Variants in GALNT18 observed in about 807,000 individuals in gnomAD.
The protein encoded by GALNT18 is GalNAc-transferase 18.
A neutral mutation model predicts 69.5 loss-of-function variants in GALNT18; 44 were observed. The observed-to-expected ratio is 0.63, with a 90% CI of 0.50 to 0.81. GALNT18 has a LOEUF of 0.81. Among genes scored for constraint, GALNT18 ranks in the 40% least tolerant of loss-of-function variants. GALNT18 has a pLI of 0.00. For synonymous variants in GALNT18, 364 were observed against 318.2 expected (o/e 1.14, Z -1.53); for missense variants, 715 against 810.0 (o/e 0.88, Z 1.42).
At chr11:11,449,751 C>T (rs1037964118) in intron 1 of GALNT18, among the ~76,000 whole-genome samples, 3 of 152,240 alleles carry the variant, frequency 2.0e-5, no homozygotes, top group Non-Finnish European at 2.9e-5. Flanking sequence ...GCTACATGAC[C>T]ATAGCACAGT....
chr11:11,439,815 A>G lies in GALNT18; in HGVS notation c.429-7028T>C, dbSNP rs146430266. On this transcript the variant is annotated intron_variant, in intron 2 of 10. Transcript: ENST00000227756. The surrounding 1 kb of genome is among the most constrained non-coding windows in gnomAD (Gnocchi z 4.4). ...GATGGGAATGGAATCACTGAGTTGT[A>G]CATTTACTCCCTGCCTGACTGCAGC... Among the ~76,000 whole-genome samples the G allele has an allele frequency of 1.8e-3, 270 of 152,348 alleles. 1 individual carries two copies. The highest frequency in any genetic ancestry group is 6.3e-3 in the African/African-American group (262 of 41,582).
chr11:11,303,027 G>C (rs1349952957), intron 9 of GALNT18, among the ~76,000 whole-genome samples: 4 of 152,182 alleles, frequency 2.6e-5, no homozygotes, highest in Non-Finnish European at 4.4e-5. Context: ...GCATAACCTG[G>C]TGTCAGCCCT....
At chr11:11,482,859 T>C (rs1336598971) in intron 1 of GALNT18, among the ~76,000 whole-genome samples, 1 of 152,096 alleles carries the variant, frequency 6.6e-6, no homozygotes, top group Non-Finnish European at 1.5e-5. Flanking sequence ...TACAAAGCTA[T>C]CCCTTGCTCT....
chr11:11,440,689 C>G (rs1023430608), intron 2 of GALNT18, among the ~76,000 whole-genome samples: 3 of 152,226 alleles, frequency 2.0e-5, no homozygotes, highest in African/African-American at 7.2e-5. Flanking sequence ...CCCATGTGCT[C>G]CTTGTCCACA....
rs115315120 is a variant in GALNT18, at chr11:11,325,104, C to A, written c.1512+1982G>T. Among the ~76,000 whole-genome samples the A allele has an allele frequency of 6.2e-3, 940 of 152,296 alleles. 12 individuals are homozygous for A. Among genetic ancestry groups the A allele is most frequent in the African/African-American group, 0.021 (885 of 41,554 alleles). On this transcript the variant is annotated intron_variant, in intron 9 of 10. Transcript: ENST00000227756. Reference sequence around the variant, plus strand: ...ACAATTGTAAAAATAGGGAACCAACCTGAGTGCCCATCAGCCAACGAGTGG... The same window carrying A: ...ACAATTGTAAAAATAGGGAACCAACATGAGTGCCCATCAGCCAACGAGTGG...
chr11:11,429,883 T>C (rs1011360977), intron 3 of GALNT18, among the ~76,000 whole-genome samples: 7 of 152,194 alleles, frequency 4.6e-5, no homozygotes, highest in African/African-American at 1.7e-4. Context: ...CTCACACCTG[T>C]AATCCCAACA....
rs1016501755 is a variant in GALNT18 at position 11,541,844 on chromosome 11, G to T, written c.235+79515C>A. 1.3e-5 allele frequency among the ~76,000 whole-genome samples: 2 copies of T among 152,218 alleles called. No individual in the cohort carries two copies. The highest frequency in any genetic ancestry group is 1.3e-4 in the Admixed American group (2 of 15,284). ...CAAGCCCAGAAGCCTCTCCCGAAGA[G>T]TGAGCAGGTTGCTTTCCCTCAGCCT... On this transcript the variant is annotated intron_variant, in intron 1 of 10. Transcript: ENST00000227756. The surrounding 1 kb of genome is among the most constrained non-coding windows in gnomAD (Gnocchi z 4.8).
rs1457873266 is a variant in GALNT18 at position 11,461,147 on chromosome 11, A to T, written c.236-12211T>A. 6.6e-6 allele frequency among the ~76,000 whole-genome samples: 1 copy of T among 152,140 alleles called. No homozygotes were observed. Among genetic ancestry groups the T allele is most frequent in the Non-Finnish European group, 1.5e-5 (1 of 68,034 alleles). ...AGCTTAGTCCAGATACTACAGGATG[A>T]TCTCTCTCCGTCAGAAAAATCCCAC... On this transcript the variant is annotated intron_variant, in intron 1 of 10. Transcript: ENST00000227756. The surrounding 1 kb of genome is among the most constrained non-coding windows in gnomAD (Gnocchi z 4.1).
At chr11:11,287,069 A>G (rs1849208393) in intron 10 of GALNT18, among the ~76,000 whole-genome samples, 2 of 152,162 alleles carry the variant, frequency 1.3e-5, no homozygotes, top group Admixed American at 1.3e-4. Flanking sequence ...ATGAAGAAGC[A>G]GCTCAATAAA....
intron 4 of GALNT18, among the ~76,000 whole-genome samples, chr11:11,378,395 C>T (rs962214096): frequency 6.6e-6 from 1 of 152,218 alleles, no homozygotes; most frequent in Non-Finnish European, 1.5e-5. Context: ...CTCCCAGGCC[C>T]AGGCAAAGTT....
intron 6 of GALNT18, chr11:11,352,619 C>T (rs761867952): frequency 1.2e-6 from 2 of 1,614,060 alleles, no homozygotes; most frequent in African/African-American, 2.7e-5. Context: ...GCTTTCTGTG[C>T]TCATGATCAA....
rs1855285300 is a variant in GALNT18, at chr11:11,432,391, G to T, written c.595+230C>A. On this transcript the variant is annotated intron_variant, in intron 3 of 10. Transcript: ENST00000227756. This position sits in a 1 kb window ranked among gnomAD's most constrained non-coding sequence, Gnocchi z 5.8. ...TTGCACTGGAATATGGGAGGGGAGA[G>T]TAGCCAGCCAGGAGAAAAAGCCTAA... Among the ~76,000 whole-genome samples, 1 of 152,206 alleles carries T rather than the reference G, an allele frequency of 6.6e-6. No homozygotes were observed. Among genetic ancestry groups the T allele is most frequent in the African/African-American group, 2.4e-5 (1 of 41,444 alleles).
Position 11,465,283 on chromosome 11 carries a change from C to T in GALNT18, c.236-16347G>A, listed in dbSNP as rs7109690. On this transcript the variant is annotated intron_variant, in intron 1 of 10. Transcript: ENST00000227756. The surrounding 1 kb of genome is among the most constrained non-coding windows in gnomAD (Gnocchi z 5.7). ...CACAGTGGGAGGGTCTGTATTTAGA[C>T]TGATTTCCCCTGAGACTGGGGAGTT... Among the ~76,000 whole-genome samples the T allele has an allele frequency of 0.99, 151,247 of 152,218 alleles. 75,151 individuals are homozygous for T. Among genetic ancestry groups the T allele is most frequent in the Middle Eastern group, 1 (294 of 294 alleles).
At chr11:11,476,002 TGTAAG>T in intron 1 of GALNT18, 1 of 152,346 alleles carries the variant, frequency 6.6e-6, no homozygotes, top group Non-Finnish European at 1.5e-5. Context: ...CTTCCCTGCC[TGTAAG>T]GTGAGATGGC....
At chr11:11,615,650 T>C (rs1412005431) in intron 1 of GALNT18, among the ~76,000 whole-genome samples, 2 of 152,210 alleles carry the variant, frequency 1.3e-5, no homozygotes, top group Admixed American at 1.3e-4. Flanking sequence ...AACAGTTATT[T>C]TCAACTTTTT....
intron 1 of GALNT18, among the ~76,000 whole-genome samples, chr11:11,594,958 G>GTA (rs1859462590): frequency 6.9e-6 from 1 of 143,924 alleles, no homozygotes; most frequent in Admixed American, 7.1e-5. Flanking sequence ...ATGTATATGT[G>GTA]TATATATACA....
intron 6 of GALNT18, among the ~76,000 whole-genome samples, chr11:11,367,283 G>A (rs1034506633): frequency 6.6e-6 from 1 of 152,176 alleles, no homozygotes; most frequent in African/African-American, 2.4e-5. Flanking sequence ...CCTGGAGGAT[G>A]AGATATCTGT....
intron 9 of GALNT18, among the ~76,000 whole-genome samples, chr11:11,316,852 G>T (rs1425079387): frequency 1.3e-5 from 2 of 152,212 alleles, no homozygotes; most frequent in Non-Finnish European, 2.9e-5. Context: ...CTAAGTTCCT[G>T]CCTCCCTCTC....
chr11:11,343,170 C>T (rs777306932), intron 6 of GALNT18, among the ~76,000 whole-genome samples: 2 of 151,842 alleles, frequency 1.3e-5, no homozygotes, highest in Non-Finnish European at 2.9e-5. Context: ...ATGGTGAGAC[C>T]TCATCTCTGC....
Sources: allele counts gnomAD v4.1 joint callset (sites outside exome capture counted in the v4.1 genomes callset), GRCh38; gene constraint gnomAD v4.1.1; non-coding constraint Gnocchi (gnomAD v3.1); transcripts MANE v1.5; gene names NCBI Gene and HGNC (gene_info 2026-07-23, HGNC 2026-07-21).